Variants in MTOR observed in about 807,000 individuals in gnomAD.
MTOR encodes the protein mechanistic target of rapamycin kinase, also known as serine/threonine-protein kinase mTOR.
A neutral mutation model predicts 319.8 loss-of-function variants in MTOR; 70 were observed. The ratio of observed to expected loss-of-function variants is 0.22; its 90% CI spans 0.18 to 0.27. The LOEUF is 0.27. Among genes scored for constraint, MTOR ranks in the 10% least tolerant of loss-of-function variants. MTOR has a pLI of 1.00. For synonymous variants in MTOR, 1,183 were observed against 1,211.4 expected (o/e 0.98, Z 0.49); for missense variants, 1,890 against 3,274.4 (o/e 0.58, Z 10.32).
At chr1:11,191,926 G>A (rs1312537676) in intron 28 of MTOR, among the ~76,000 whole-genome samples, 2 of 152,170 alleles carry the variant, frequency 1.3e-5, no homozygotes, top group Non-Finnish European at 2.9e-5. Context: ...CTATCTGACA[G>A]GAGTATCTGT....
At chr1:11,170,126 C>T (rs895092356) in intron 28 of MTOR, among the ~76,000 whole-genome samples, 2 of 152,158 alleles carry the variant, frequency 1.3e-5, no homozygotes, top group African/African-American at 2.4e-5. Flanking sequence ...CTACAAAATT[C>T]GGAGATGTTT....
chr1:11,164,334 G>GA (rs547043272), intron 29 of MTOR, among the ~76,000 whole-genome samples: 981 of 59,884 alleles, frequency 0.016, 19 homozygotes, highest in African/African-American at 0.037. Context: ...GACTCTGCCT[G>GA]AAAAAAAAAA....
At chr1:11,205,728 A>G (rs2253213) in intron 25 of MTOR, among the ~76,000 whole-genome samples, 113,671 of 152,178 alleles carry the variant, frequency 0.75, 42,597 homozygotes, top group East Asian at 0.91. Flanking sequence ...TTGTCAAAAC[A>G]ACACCTATTT....
At position 11,231,018 on chromosome 1, in the gene MTOR, G is replaced by A. The variant is rs1212283687; in HGVS notation, c.2686C>T (p.Pro896Ser). 2 of 1,614,130 alleles carry A rather than the reference G, an allele frequency of 1.2e-6. No homozygotes were observed. The highest frequency in any genetic ancestry group is 1.7e-5 in the Admixed American group (1 of 60,014). Residue 896 changes from proline (P) to serine (S), a missense_variant, in exon 18 of 58, where the codon CCT (proline) becomes TCT (serine). Around this residue, in one of 15 missense-constraint regions of MTOR, gnomAD observed 377 missense variants for 653.9 expected, o/e 0.58. Transcript: ENST00000361445. ...CCAATGTTCACTTTGTGCTTGTAAG[G>A]ATCCAAAGCCCCTAAAAGCCCTAAC... Reference protein sequence around the residue: ...RVLGLLGALDPYKHKVNIGMI... With the variant: ...RVLGLLGALDSYKHKVNIGMI...
chr1:11,210,851 T>C lies in MTOR; in HGVS notation c.3617A>G (p.His1206Arg), dbSNP rs1569571613. Residue 1206 changes from histidine (H) to arginine (R), a missense_variant, in exon 24 of 58, where the codon CAT (histidine) becomes CGT (arginine). By Grantham distance (29) the His-to-Arg change is conservative. Around this residue, in one of 15 missense-constraint regions of MTOR, gnomAD observed 115 missense variants for 105.7 expected, o/e 1.09. Transcript: ENST00000361445. ...NKVLVRHRIN[H>R]QRYDVLICRI... ...GCAGATGAGCACATCATAGCGCTGA[T>C]GATTGATTCGGTGTCGCACCAGAAC... 2 of 1,613,958 alleles carry C rather than the reference T, an allele frequency of 1.2e-6. No homozygotes were observed. The highest frequency in any genetic ancestry group is 1.7e-6 in the Non-Finnish European group (2 of 1,179,966).
In MTOR at chr1:11,139,406, G is replaced by C. The variant is rs1243582865; in HGVS notation, c.5028C>G (p.Leu1676=). ...GTTGCCGAGACGGATCAACTCCCAGGAGCAACACTAAAGTTTTATGAGCAA... is the reference window on the plus strand; with the variant it reads ...GTTGCCGAGACGGATCAACTCCCAGCAGCAACACTAAAGTTTTATGAGCAA... The part of the protein sequence containing the change: ...LALAHKTLVL[L]LGVDPSRQLD... Residue 1676 remains leucine, a synonymous_variant, in exon 36 of 58, where the codon CTC becomes CTG. Coordinates refer to ENST00000361445, the MANE Select transcript of MTOR (RefSeq NM_004958.4). 2 of 1,613,940 alleles carry C rather than the reference G, an allele frequency of 1.2e-6. No homozygotes were observed. Among genetic ancestry groups the C allele is most frequent in the African/African-American group, 2.7e-5 (2 of 74,878 alleles).
In MTOR at chr1:11,124,641, G is replaced by C. The variant is rs781743247; in HGVS notation, c.6527-8C>G. 1.9e-6 allele frequency: 3 copies of C among 1,605,050 alleles called. No homozygotes were observed. Among genetic ancestry groups the C allele is most frequent in the Non-Finnish European group, 2.6e-6 (3 of 1,172,334 alleles). On this transcript the variant is annotated splice_region_variant and splice_polypyrimidine_tract_variant and intron_variant, in intron 46 of 57. Transcript: ENST00000361445. ...ACTCATGTCCGTTGCTGCCTGTAAG[G>C]AACAGTGGGAGCGGTGAGTGTACAT...
At chr1:11,233,300 A>C (rs1647084429) in intron 15 of MTOR, 98 bp downstream of exon 15, 12 of 1,088,188 alleles carry the variant, frequency 1.1e-5, no homozygotes, top group Non-Finnish European at 1.6e-5. Context: ...AATATGTGAG[A>C]CCTTTCATTT....
intron 17 of MTOR, 101 bp from the exon 18 acceptor site, chr1:11,231,155 AT>A: frequency 6.3e-7 from 1 of 1,593,450 alleles, no homozygotes; most frequent in African/African-American, 1.3e-5. Context: ...CCCAGTTCAT[AT>A]CCAAATGACC....
Position 11,106,923 on chromosome 1 carries a change from A to G in MTOR, c.*562T>C. The G allele has an allele frequency of 7.3e-7, 1 of 1,369,596 alleles. No homozygotes were observed. The allele number at this position is 1,369,596 out of a possible 1,614,324, so 84.8% of individuals were successfully genotyped here. ...TCGCAGCATCACTGGGTCTGATGGA[A>G]GACAGACCTTTTGTACTCATTTTGG... On this transcript the variant is annotated 3_prime_UTR_variant, in exon 58 of 58. Transcript: ENST00000361445.
At chr1:11,242,626 G>A (rs1648226402) in intron 9 of MTOR, among the ~76,000 whole-genome samples, 2 of 150,710 alleles carry the variant, frequency 1.3e-5, no homozygotes, top group Admixed American at 1.3e-4. Context: ...TGACCCCCTC[G>A]CCTTAGCGAA....
chr1:11,135,277 A>AG (rs1025641500), intron 36 of MTOR, among the ~76,000 whole-genome samples: 6 of 152,182 alleles, frequency 3.9e-5, no homozygotes, highest in Admixed American at 3.9e-4. Flanking sequence ...GTTTTTCTAG[A>AG]GGGGGGAAAA....
Position 11,209,409 on chromosome 1 carries a change from C to T in MTOR, c.3704G>A (p.Arg1235Gln), listed in dbSNP as rs1646242172. ...ATCCCCTTGGCCACTCCTAAGCATC[C>T]GATGCTGGTAAATCAAAGGATCCTC... is the stretch of plus-strand genomic sequence containing the variant. ...EEEDPLIYQH[R>Q]MLRSGQGDAL... Residue 1235 changes from arginine (R) to glutamine (Q), a missense_variant, in exon 25 of 58, where the codon CGG (arginine) becomes CAG (glutamine). By Grantham distance (43) the Arg-to-Gln change is conservative (BLOSUM62 1). This residue lies in a region of MTOR where 115 missense variants were observed against 105.7 expected (regional missense o/e 1.09). Transcript: ENST00000361445. 2.5e-6 allele frequency: 4 copies of T among 1,614,112 alleles called. No homozygotes were observed. The highest frequency in any genetic ancestry group is 1.3e-5 in the African/African-American group (1 of 75,016).
intron 33 of MTOR, 67 bp downstream of exon 33, chr1:11,144,901 G>A (rs1179885738): frequency 6.4e-7 from 1 of 1,564,872 alleles, no homozygotes; most frequent in African/African-American, 1.3e-5. Flanking sequence ...GTTCTCAATA[G>A]CCCATTCTGA....
intron 31 of MTOR, among the ~76,000 whole-genome samples, chr1:11,149,693 A>G (rs1418024963): frequency 1.3e-5 from 2 of 152,086 alleles, no homozygotes; most frequent in African/African-American, 4.8e-5. Context: ...AAGTGGGGCG[A>G]TATTTTGGGA....
intron 13 of MTOR, among the ~76,000 whole-genome samples, chr1:11,234,632 G>A (rs573222807): frequency 1.8e-4 from 28 of 152,312 alleles, no homozygotes; most frequent in Admixed American, 3.9e-4. Context: ...AGAAGGTAGG[G>A]CCCCTTGGGA....
At chr1:11,233,563 C>T in intron 14 of MTOR, 76 bp from the exon 15 acceptor site, 3 of 1,120,798 alleles carry the variant, frequency 2.7e-6, no homozygotes, top group Non-Finnish European at 4.0e-6. Flanking sequence ...AAGTAAAATT[C>T]ACCCAAGAGA....
At chr1:11,223,496 T>A (rs1014634855) in intron 19 of MTOR, among the ~76,000 whole-genome samples, 1 of 152,064 alleles carries the variant, frequency 6.6e-6, no homozygotes, top group African/African-American at 2.4e-5. Flanking sequence ...AGGTAAGAGA[T>A]AAAACCAAAT....
At chr1:11,185,049 C>A (rs575491814) in intron 28 of MTOR, among the ~76,000 whole-genome samples, 4 of 152,148 alleles carry the variant, frequency 2.6e-5, no homozygotes, top group Non-Finnish European at 5.9e-5. Flanking sequence ...TGGCTATTTC[C>A]TCCTTTTTCT....
Sources: allele counts gnomAD v4.1 joint callset (sites outside exome capture counted in the v4.1 genomes callset), GRCh38; gene constraint gnomAD v4.1.1; regional missense constraint gnomAD v4.1.1; transcripts MANE v1.5; gene names NCBI Gene and HGNC (gene_info 2026-07-23, HGNC 2026-07-21).